The following AP4E1 variants were observed in gnomAD, a reference collection of about 807,000 sequenced individuals.
AP4E1 encodes the protein adaptor related protein complex 4 subunit epsilon 1, also known as AP-4 complex subunit epsilon-1.
AP4E1 carries 56 observed loss-of-function variants against 128.2 expected under a neutral mutation model. The observed-to-expected ratio is 0.44, with a 90% confidence interval of 0.35 to 0.55. The LOEUF (loss-of-function observed/expected upper bound fraction) is 0.55, where lower values mean the gene tolerates loss of function less well. AP4E1 is among the 20% of genes least tolerant of loss of function. AP4E1 has a pLI of 0.00. For missense variants in AP4E1, 1,324 were observed against 1,307.7 expected, an observed-to-expected ratio of 1.01 and a Z score of -0.19; for synonymous variants, 484 against 473.1, an observed-to-expected ratio of 1.02 and a Z score of -0.30.
intron 14 of AP4E1, among the ~76,000 whole-genome samples, chr15:50,964,185 GTTTTA>G (rs1313323268): frequency 6.6e-6 from 1 of 151,968 alleles, no homozygotes; most frequent in African/African-American, 2.4e-5. Flanking sequence ...TGCTTTCTTT[GTTTTA>G]TTTATTTATT....
rs7169888 is a variant in AP4E1 at position 50,965,020 on chromosome 15, G to A, written c.1852-3243G>A. Among the ~76,000 whole-genome samples, 72,210 of 149,216 alleles carry A rather than the reference G, an allele frequency of 0.48. 17,653 individuals carry two copies. The highest frequency in any genetic ancestry group is 0.59 in the East Asian group (2,998 of 5,102). ...GACTTTCCCTTTCGCTCCTGCTTTC[G>A]CCATGTGATGTGCTTGCTTCTGCTT... On this transcript the variant is annotated intron_variant, in intron 14 of 20. Transcript: ENST00000261842.
intron 16 of AP4E1, among the ~76,000 whole-genome samples, chr15:50,990,343 A>ATTT (rs1445935766): frequency 1.2e-5 from 1 of 80,348 alleles, no homozygotes; most frequent in African/African-American, 4.6e-5. Flanking sequence ...TATTTATTTA[A>ATTT]TTTATTATTA....
At chr15:50,909,077 G>T in intron 1 of AP4E1, 149 bp downstream of exon 1, 1 of 1,327,876 alleles carries the variant, frequency 7.5e-7, no homozygotes, top group South Asian at 1.5e-5. Flanking sequence ...CCTTTCGTCT[G>T]CCTGGAAGCT....
At chr15:50,945,513 A>G (rs2064047248) in intron 10 of AP4E1, 2 of 748,130 alleles carry the variant, frequency 2.7e-6, no homozygotes, top group East Asian at 2.4e-5. Context: ...ATGTATCTGC[A>G]GTGCTTGACA....
intron 7 of AP4E1, 105 bp downstream of exon 7, chr15:50,931,076 T>A: frequency 7.4e-7 from 1 of 1,346,728 alleles, no homozygotes; most frequent in Non-Finnish European, 1.1e-6. Context: ...TTCCAATGTT[T>A]AATTGGCTTA....
intron 10 of AP4E1, among the ~76,000 whole-genome samples, chr15:50,946,492 ATT>A (rs2064063476): frequency 6.6e-6 from 1 of 152,198 alleles, no homozygotes; most frequent in South Asian, 2.1e-4. Flanking sequence ...ATCAGTCTGC[ATT>A]TATATAACTT....
At position 50,977,706 on chromosome 15, in the gene AP4E1, G is replaced by GTTTTTTTTT. The variant is rs1401774266; in HGVS notation, c.1967-6304_1967-6296dup. 1.3e-3 allele frequency among the ~76,000 whole-genome samples: 105 copies of GTTTTTTTTT among 80,262 alleles called. 10 individuals carry two copies. The highest frequency in any genetic ancestry group is 7.9e-3 in the Middle Eastern group (1 of 126). The allele number at this position is 80,262 out of a possible 152,430, so 52.7% of individuals were successfully genotyped here. ...ATCTTTTAATTATCAATCTGTTATG[G>GTTTTTTTTT]TTTTTTTTTTTTTTTTTTTTAGACA... On this transcript the variant is annotated intron_variant, in intron 15 of 20. Transcript: ENST00000261842.
At chr15:50,914,822 A>G (rs1237187174) in intron 2 of AP4E1, among the ~76,000 whole-genome samples, 1 of 152,166 alleles carries the variant, frequency 6.6e-6, no homozygotes, top group Non-Finnish European at 1.5e-5. Flanking sequence ...CATTGAAGAT[A>G]TTAAAAGACC....
At chr15:50,958,415 T>C in intron 13 of AP4E1, 77 bp from the exon 14 acceptor site, 1 of 1,210,504 alleles carries the variant, frequency 8.3e-7, no homozygotes, top group Non-Finnish European at 1.2e-6. Context: ...TAGCAGTAGG[T>C]ACTTTGTTTA....
chr15:50,912,502 T>C (rs1433958563), intron 2 of AP4E1, among the ~76,000 whole-genome samples: 1 of 152,252 alleles, frequency 6.6e-6, no homozygotes, highest in Non-Finnish European at 1.5e-5. Flanking sequence ...TAGGTATATC[T>C]AATTTTATTA....
In AP4E1 at chr15:50,950,177, A is replaced by AT. The variant is rs2064129832; in HGVS notation, c.1548+8_1548+9insT. Reference sequence around the variant, plus strand: ...CTTCAAGTTATGAGTTGGGTGAGCAAAGTACCTTAAATCATAAATTTTTAT... The same window carrying AT: ...CTTCAAGTTATGAGTTGGGTGAGCAATAGTACCTTAAATCATAAATTTTTAT... On this transcript the variant is annotated intron_variant, in intron 13 of 20. Coordinates refer to ENST00000261842, the MANE Select transcript of AP4E1 (RefSeq NM_007347.5). 1 of 1,523,182 alleles carries AT rather than the reference A, an allele frequency of 6.6e-7. No individual in the cohort carries two copies. Among genetic ancestry groups the AT allele is most frequent in the Non-Finnish European group, 9.1e-7 (1 of 1,099,886 alleles). 94.4% of individuals were successfully genotyped at this position (1,523,182 alleles called of 1,614,324 possible).
chr15:50,951,084 T>C (rs2064143206), intron 13 of AP4E1, among the ~76,000 whole-genome samples: 2 of 152,212 alleles, frequency 1.3e-5, no homozygotes, highest in Non-Finnish European at 2.9e-5. Context: ...ACAAACTTAG[T>C]GGCTTAAGAC....
intron 3 of AP4E1, among the ~76,000 whole-genome samples, chr15:50,922,161 TAC>T (rs2063711613): frequency 1.9e-5 from 1 of 52,428 alleles, no homozygotes. Context: ...ACCCTATCTC[TAC>T]AAAAAAAAAA....
intron 15 of AP4E1, among the ~76,000 whole-genome samples, chr15:50,978,615 G>GAAT (rs1477653646): frequency 2.0e-5 from 3 of 152,128 alleles, no homozygotes; most frequent in Non-Finnish European, 1.5e-5. Flanking sequence ...GTCTCACCTA[G>GAAT]AATACTTCAG....
chr15:50,971,748 T>C (rs1307586721), intron 15 of AP4E1, among the ~76,000 whole-genome samples: 2 of 152,146 alleles, frequency 1.3e-5, no homozygotes, highest in African/African-American at 4.8e-5. Flanking sequence ...CTTATGTGTA[T>C]ATTTTATTTC....
intron 19 of AP4E1, 26 bp downstream of exon 19, chr15:50,999,288 C>G (rs764621794): frequency 1.5e-5 from 23 of 1,585,874 alleles, no homozygotes; most frequent in Admixed American, 1.7e-5. Context: ...AATGTTAATT[C>G]AAGTTGTTAA....
chr15:50,924,055 T>C, intron 4 of AP4E1, 51 bp downstream of exon 4: 1 of 1,434,146 alleles, frequency 7.0e-7, no homozygotes, highest in South Asian at 1.2e-5. Context: ...TGTCAGCACC[T>C]GATATTTCTC....
chr15:50,988,338 C>G (rs1390214222), intron 16 of AP4E1, among the ~76,000 whole-genome samples: 1 of 152,090 alleles, frequency 6.6e-6, no homozygotes, highest in African/African-American at 2.4e-5. Flanking sequence ...TTTTGAGACA[C>G]AATTTCACTC....
intron 3 of AP4E1, among the ~76,000 whole-genome samples, chr15:50,923,104 G>T (rs1265357997): frequency 1.3e-5 from 2 of 152,258 alleles, no homozygotes; most frequent in African/African-American, 2.4e-5. Context: ...GGGATAAAAA[G>T]GCCTATCTCA....
Sources: allele counts gnomAD v4.1 joint callset (sites outside exome capture counted in the v4.1 genomes callset), GRCh38; gene constraint gnomAD v4.1.1; transcripts MANE v1.5; gene names NCBI Gene and HGNC (gene_info 2026-07-23, HGNC 2026-07-21).